The following RGS3 variants were observed in gnomAD, a reference collection of about 807,000 sequenced individuals.
RGS3 encodes regulator of G-protein signalling 3.
RGS3 carries 80 observed loss-of-function variants against 132.6 expected under a neutral mutation model. The ratio of observed to expected loss-of-function variants is 0.60; its 90% CI spans 0.50 to 0.73. RGS3 has a LOEUF of 0.73. RGS3 is among the 30% of genes least tolerant of loss of function. The pLI, the probability that RGS3 is intolerant of heterozygous loss-of-function variation, is 0.00. For missense variants in RGS3, 1,382 were observed against 1,530.8 expected (o/e 0.90, Z 1.62); for synonymous variants, 598 against 620.6 (o/e 0.96, Z 0.54).
chr9:113,462,270 ATG>A, intron 3 of RGS3: 72 of 689,422 alleles, frequency 1.0e-4, no homozygotes, highest in East Asian at 4.7e-4. Flanking sequence ...AGTGTTCACC[ATG>A]TGTGTGTGTA....
intron 18 of RGS3, 108 bp from the exon 17 acceptor site, chr9:113,536,688 C>G (rs1832690327): frequency 6.6e-7 from 1 of 1,523,804 alleles, no homozygotes; most frequent in African/African-American, 1.4e-5. Flanking sequence ...CACTCCCCTC[C>G]TGGCTGCAGC....
At chr9:113,459,477 C>T (rs900995433), upstream of RGS3, among the ~76,000 whole-genome samples, 3 of 152,118 alleles carry the variant, frequency 2.0e-5, no homozygotes, top group Admixed American at 6.5e-5. Flanking sequence ...TTAGCCAGCA[C>T]GGTGGTTCAC....
chr9:113,494,847 C>G (rs1263690933), intron 7 of RGS3, among the ~76,000 whole-genome samples: 1 of 152,074 alleles, frequency 6.6e-6, no homozygotes, highest in East Asian at 1.9e-4. Context: ...GGTGGACATT[C>G]TTCAGGAACT....
upstream of RGS3, among the ~76,000 whole-genome samples, chr9:113,455,872 A>G (rs1307307499): frequency 6.6e-6 from 1 of 152,224 alleles, no homozygotes; most frequent in Non-Finnish European, 1.5e-5. Flanking sequence ...GGACATGAAA[A>G]AAACCTGACC....
intron 19 of RGS3, among the ~76,000 whole-genome samples, chr9:113,558,895 AC>A: frequency 6.6e-6 from 1 of 152,334 alleles, no homozygotes; most frequent in Middle Eastern, 3.4e-3. Flanking sequence ...CAGCCTGTGA[AC>A]CCATATGATT....
chr9:113,578,828 T>G (rs1270538298), intron 19 of RGS3, among the ~76,000 whole-genome samples: 1 of 152,156 alleles, frequency 6.6e-6, no homozygotes, highest in African/African-American at 2.4e-5. Context: ...ACTTTACAGT[T>G]CACAGAGTGC....
chr9:113,455,057 CTTCTCAG>C (rs1210406979), intron 1 of RGS3, among the ~76,000 whole-genome samples: 1 of 152,172 alleles, frequency 6.6e-6, no homozygotes, highest in African/African-American at 2.4e-5. Flanking sequence ...GCCTCCCGAA[CTTCTCAG>C]TTCAGGGATT....
At chr9:113,453,043 A>G (rs1449762120) in intron 1 of RGS3, among the ~76,000 whole-genome samples, 1 of 133,004 alleles carries the variant, frequency 7.5e-6, no homozygotes, top group Non-Finnish European at 1.5e-5. Flanking sequence ...AATATATATA[A>G]TATATAATAT....
rs187990432 is a variant in RGS3 at position 113,516,605 on chromosome 9, C to T, written c.1675-936C>T. On this transcript the variant is annotated intron_variant, in intron 15 of 24. Coordinates refer to ENST00000350696, the Ensembl canonical transcript of RGS3. ...AACTCCTGACCTCAGGTGATCCACC[C>T]GCCTCGGCCTTCCAAAGTGCTGGGA... Among the ~76,000 whole-genome samples the T allele has an allele frequency of 8.5e-4, 130 of 152,194 alleles. 1 individual carries two copies. Among genetic ancestry groups the T allele is most frequent in the Non-Finnish European group, 1.5e-3 (104 of 68,010 alleles).
chr9:113,561,016 C>A (rs1833758738), intron 19 of RGS3, among the ~76,000 whole-genome samples: 1 of 152,114 alleles, frequency 6.6e-6, no homozygotes, highest in African/African-American at 2.4e-5. Context: ...TGACTTCTCT[C>A]TCTCTCTTTC....
chr9:113,475,496 C>T (rs1311412834), intron 3 of RGS3, among the ~76,000 whole-genome samples: 1 of 152,172 alleles, frequency 6.6e-6, no homozygotes, highest in Non-Finnish European at 1.5e-5. Flanking sequence ...ACTTCAACCT[C>T]TTGGGCTCAA....
chr9:113,555,865 C>T (rs1025750579), intron 19 of RGS3, among the ~76,000 whole-genome samples: 2 of 152,224 alleles, frequency 1.3e-5, no homozygotes, highest in Non-Finnish European at 2.9e-5. Context: ...TAAATGTTTC[C>T]GTTTTCATGG....
rs1830093168 is a variant in RGS3, at chr9:113,479,484, T to C, written c.416-7T>C. On this transcript the variant is annotated splice_polypyrimidine_tract_variant and splice_region_variant and intron_variant, in intron 3 of 24. Transcript: ENST00000350696. ...AGGCAAGGTTGTTTCTGTTGCTGTT[T>C]CCTTAGGTCAGCTGAGGCTGTCCAT... is the stretch of plus-strand genomic sequence containing the variant. The C allele has an allele frequency of 6.2e-7, 1 of 1,614,176 alleles. No individual in the cohort carries two copies. The highest frequency in any genetic ancestry group is 1.7e-5 in the Admixed American group (1 of 60,008).
At chr9:113,552,040 G>A (rs1833360209) in intron 19 of RGS3, among the ~76,000 whole-genome samples, 1 of 152,006 alleles carries the variant, frequency 6.6e-6, no homozygotes, top group South Asian at 2.1e-4. Context: ...TTTTCTTAAT[G>A]ACTATAAATC....
intron 9 of RGS3, among the ~76,000 whole-genome samples, chr9:113,497,715 G>T (rs1382898885): frequency 6.6e-6 from 1 of 152,150 alleles, no homozygotes; most frequent in Non-Finnish European, 1.5e-5. Context: ...ATGTCTCAGG[G>T]ATCCCCCAGG....
rs1476255261 is a variant in RGS3 at position 113,537,541 on chromosome 9, T to C, written c.2037+623T>C. On this transcript the variant is annotated intron_variant, in intron 19 of 24. Coordinates refer to ENST00000350696, the Ensembl canonical transcript of RGS3. The surrounding 1 kb of genome is among the most constrained non-coding windows in gnomAD (Gnocchi z 4.3). The stretch of plus-strand genomic sequence containing the variant: ...GGAGCTGGACCACACAGCCTTCCCC[T>C]TTGACACTCCGATGCCAGCCACAAA... Among the ~76,000 whole-genome samples the C allele has an allele frequency of 4.6e-5, 7 of 152,180 alleles. No homozygotes were observed. Among genetic ancestry groups the C allele is most frequent in the Admixed American group, 4.6e-4 (7 of 15,286 alleles).
chr9:113,588,525 T>G (rs1197276191), intron 20 of RGS3, among the ~76,000 whole-genome samples: 1 of 152,174 alleles, frequency 6.6e-6, no homozygotes, highest in Non-Finnish European at 1.5e-5. Flanking sequence ...TACTTGTTAG[T>G]TCAGAGAGCC....
rs763966271 is a variant in RGS3 at position 113,595,021 on chromosome 9, C to T, written c.3244+41C>T. On this transcript the variant is annotated intron_variant, in intron 23 of 24. Coordinates refer to ENST00000350696, the Ensembl canonical transcript of RGS3. ...CTGCCCACTCCCTGTGCCCTCTCTC[C>T]CTCTCCCCTTCGCCCCCATCCAGAC... 4 of 1,588,384 alleles carry T rather than the reference C, an allele frequency of 2.5e-6. No individual in the cohort carries two copies. In the African/African-American group the frequency reaches 4.0e-5, roughly 16 times the overall value.
At chr9:113,515,739 A>C (rs992652441) in intron 15 of RGS3, among the ~76,000 whole-genome samples, 1 of 152,256 alleles carries the variant, frequency 6.6e-6, no homozygotes, top group Non-Finnish European at 1.5e-5. Context: ...TGCACATTAA[A>C]AAACAGACCT....
Sources: gnomAD v4.1 joint callset for allele counts (sites outside exome capture counted in the v4.1 genomes callset) on GRCh38, gnomAD v4.1.1 for gene constraint, Gnocchi (gnomAD v3.1) non-coding constraint, MANE v1.5 for transcripts, NCBI Gene and HGNC (gene_info 2026-07-23, HGNC 2026-07-21) for gene names.